INTS6: variants seen among roughly 807,000 people sequenced by gnomAD.
INTS6 encodes the protein integrator complex subunit 6.
In INTS6, 16 loss-of-function variants were observed where a neutral mutation model predicts 104.9. The observed-to-expected ratio is 0.15, with a 90% CI of 0.10 to 0.23. INTS6 has a LOEUF of 0.23. Ranked by LOEUF, INTS6 falls within the 10% of genes least tolerant of loss-of-function variation. The probability of loss-of-function intolerance (pLI) is 1.00; values close to 1 mark genes in which losing one functional copy is unlikely to be tolerated. For missense variants in INTS6, 584 were observed against 1,062.8 expected, an observed-to-expected ratio of 0.55 and a Z score of 6.26; for synonymous variants, 324 against 358.7, an observed-to-expected ratio of 0.90 and a Z score of 1.09.
chr13:51,447,547 A>G (rs953013530), intron 3 of INTS6: 2 of 152,070 alleles, frequency 1.3e-5, no homozygotes, highest in African/African-American at 4.8e-5. Flanking sequence ...TCCTTTTAAG[A>G]TATCTGTCAA....
At chr13:51,405,838 A>G (rs1956552425) in intron 4 of INTS6, among the ~76,000 whole-genome samples, 2 of 152,210 alleles carry the variant, frequency 1.3e-5, no homozygotes, top group Non-Finnish European at 1.5e-5. Context: ...CCTGGGGCTT[A>G]TGTAACAAAC....
Position 51,376,667 on chromosome 13 carries a change from A to G in INTS6, c.1603-493T>C, listed in dbSNP as rs777579743. Among the ~76,000 whole-genome samples, 116 of 152,250 alleles carry G rather than the reference A, an allele frequency of 7.6e-4. 1 individual carries two copies. The highest frequency in any genetic ancestry group is 1.8e-4 in the Non-Finnish European group (12 of 67,998). The stretch of plus-strand genomic sequence containing the variant: ...ATTCCTATCCCCAGGCAACCACGTG[A>G]CTTGCTTTCTTTCTATGCTCCATTT... On this transcript the variant is annotated intron_variant, in intron 12 of 17. Transcript: ENST00000311234.
the INTS6 span, chr13:51,341,015 A>G: frequency 6.8e-7 from 1 of 1,460,968 alleles, no homozygotes; most frequent in African/African-American, 1.4e-5. Context: ...TCTGTGGGAC[A>G]TGGCCCTCTT....
At chr13:51,389,896 C>T (rs1956213900) in intron 5 of INTS6, among the ~76,000 whole-genome samples, 1 of 152,082 alleles carries the variant, frequency 6.6e-6, no homozygotes. Flanking sequence ...CTAAGATTTA[C>T]TGTGCACATA....
intron 4 of INTS6, among the ~76,000 whole-genome samples, chr13:51,428,553 C>T (rs941453301): frequency 2.6e-5 from 4 of 151,930 alleles, no homozygotes; most frequent in African/African-American, 9.7e-5. Flanking sequence ...TCTTGAACTC[C>T]TGATCTCATG....
chr13:51,379,607 G>C (rs758649773), intron 10 of INTS6, 35 bp from the exon 11 acceptor site: 3 of 1,262,242 alleles, frequency 2.4e-6, no homozygotes, highest in Non-Finnish European at 2.2e-6. Flanking sequence ...TCAATATTAA[G>C]CTTATTAAAA....
At chr13:51,410,165 T>C (rs566169067) in intron 4 of INTS6, among the ~76,000 whole-genome samples, 22 of 152,328 alleles carry the variant, frequency 1.4e-4, no homozygotes, top group African/African-American at 4.8e-4. Flanking sequence ...CTCAAACTGA[T>C]TTATAGATTC....
chr13:51,450,791 T>C (rs1953025245), intron 3 of INTS6: 11 of 1,149,726 alleles, frequency 9.6e-6, no homozygotes, highest in Non-Finnish European at 1.2e-5. Flanking sequence ...GTCAACTTTA[T>C]AGCAAAAGTT....
intron 4 of INTS6, among the ~76,000 whole-genome samples, chr13:51,411,248 AATAAAT>A (rs1956681523): frequency 6.6e-6 from 1 of 150,388 alleles, no homozygotes; most frequent in Non-Finnish European, 1.5e-5. Context: ...TAAATAAATA[AATAAAT>A]AAGCAAGCAA....
chr13:51,417,615 C>T (rs543780494), intron 4 of INTS6, among the ~76,000 whole-genome samples: 121 of 151,940 alleles, frequency 8.0e-4, no homozygotes, highest in African/African-American at 2.5e-3. Context: ...CCACCACACC[C>T]GGCTAATTTT....
intron 8 of INTS6, 30 bp downstream of exon 8, chr13:51,383,559 T>C: frequency 6.2e-7 from 1 of 1,606,132 alleles, no homozygotes. Context: ...TCATTTAAAT[T>C]TTGGGGTCAC....
At chr13:51,344,403 C>T in the INTS6 span, 2 of 1,611,806 alleles carry the variant, frequency 1.2e-6, no homozygotes, top group Non-Finnish European at 1.7e-6. Context: ...GGTGGGCTAA[C>T]AGCAGCCTGG....
intron 4 of INTS6, among the ~76,000 whole-genome samples, chr13:51,405,823 A>G (rs1956552049): frequency 6.6e-6 from 1 of 152,214 alleles, no homozygotes; most frequent in Non-Finnish European, 1.5e-5. Context: ...CCAGTCCTGG[A>G]TAAGCCTGGG....
chr13:51,338,148 T>C, the INTS6 span, among the ~76,000 whole-genome samples: 1 of 152,220 alleles, frequency 6.6e-6, no homozygotes, highest in Non-Finnish European at 1.5e-5. Flanking sequence ...CAACCTTTTT[T>C]TAATTTGGGA....
rs149101769 is a variant in INTS6, at chr13:51,396,340, G to A, written c.430-857C>T. 2.9e-4 allele frequency among the ~76,000 whole-genome samples: 44 copies of A among 152,258 alleles called. No individual in the cohort carries two copies. In the East Asian group the frequency reaches 7.7e-3, roughly 27 times the overall value. ...TTCTTACCACATCTGAGTAAATGTA[G>A]AGAGGTTTGGGGGTTTTTGTATGTG... On this transcript the variant is annotated intron_variant, in intron 4 of 17. Coordinates refer to ENST00000311234, the MANE Select transcript of INTS6 (RefSeq NM_012141.3).
rs116134002 is a variant in INTS6, at chr13:51,379,010, C to G, written c.1386+452G>C. Among the ~76,000 whole-genome samples, 205 of 152,040 alleles carry G rather than the reference C, an allele frequency of 1.3e-3. 1 individual carries two copies. The highest frequency in any genetic ancestry group is 4.8e-3 in the African/African-American group (200 of 41,526). ...TCACAGTCAGTTAAACTATATACTG[C>G]TTGACTACTATAGTATTTATTAATG... On this transcript the variant is annotated intron_variant, in intron 11 of 17. Coordinates refer to ENST00000311234, the MANE Select transcript of INTS6 (RefSeq NM_012141.3).
intron 3 of INTS6, among the ~76,000 whole-genome samples, chr13:51,356,504 ACTGTATTTTCTTCTACATCG>A (rs944882892): frequency 3.3e-5 from 5 of 152,070 alleles, no homozygotes; most frequent in East Asian, 3.9e-4. Context: ...AGAGTTAAAA[ACTGTATTTTCTTCTACATCG>A]CTGTATTTTC....
At chr13:51,355,464 GA>G (rs746314336) in intron 3 of INTS6, among the ~76,000 whole-genome samples, 11 of 152,134 alleles carry the variant, frequency 7.2e-5, no homozygotes, top group Non-Finnish European at 1.3e-4. Context: ...TGCAGCAATA[GA>G]TTCTTCATTA....
intron 9 of INTS6, among the ~76,000 whole-genome samples, 196 bp from the exon 10 acceptor site, chr13:51,382,319 G>A (rs1481238762): frequency 2.6e-5 from 4 of 152,180 alleles, no homozygotes; most frequent in Non-Finnish European, 5.9e-5. Context: ...TGGTCTAAAA[G>A]TACATGCAGG....
Sources: gnomAD v4.1 joint callset for allele counts (sites outside exome capture counted in the v4.1 genomes callset) on GRCh38, gnomAD v4.1.1 for gene constraint, MANE v1.5 for transcripts, NCBI Gene and HGNC (gene_info 2026-07-23, HGNC 2026-07-21) for gene names.